The following ZSWIM5 variants were observed in gnomAD, a reference collection of about 807,000 sequenced individuals.
The protein encoded by ZSWIM5 is zinc finger SWIM-type containing 5, also known as zinc finger SWIM domain-containing protein 5.
ZSWIM5 carries 55 observed loss-of-function variants against 119.6 expected under a neutral mutation model. That is an observed-to-expected ratio of 0.46 (90% CI 0.37 to 0.58). The LOEUF (loss-of-function observed/expected upper bound fraction) is 0.58. Among genes scored for constraint, ZSWIM5 ranks in the 20% least tolerant of loss-of-function variants. ZSWIM5 has a pLI of 0.00. For synonymous variants in ZSWIM5, 537 were observed against 606.9 expected (o/e 0.88, Z 1.69); for missense variants, 1,193 against 1,512.8 (o/e 0.79, Z 3.51).
intron 1 of ZSWIM5, among the ~76,000 whole-genome samples, chr1:45,109,473 C>T (rs141480035): frequency 2.6e-5 from 4 of 152,224 alleles, no homozygotes; most frequent in Non-Finnish European, 4.4e-5. Context: ...TGGCTAGACG[C>T]GGTGGCTCAC....
intron 1 of ZSWIM5, among the ~76,000 whole-genome samples, chr1:45,150,729 G>A (rs769953200): frequency 6.6e-6 from 1 of 151,570 alleles, no homozygotes; most frequent in Non-Finnish European, 1.5e-5. Flanking sequence ...TTGTCTTGTC[G>A]ACCAGATAGT....
intron 1 of ZSWIM5, among the ~76,000 whole-genome samples, chr1:45,182,805 T>C (rs550733334): frequency 6.6e-6 from 1 of 152,138 alleles, no homozygotes; most frequent in Non-Finnish European, 1.5e-5. Flanking sequence ...TAAGGGAGAC[T>C]TTAACACCCC....
chr1:45,062,302 A>G (rs1477336354), intron 2 of ZSWIM5, among the ~76,000 whole-genome samples: 2 of 151,924 alleles, frequency 1.3e-5, no homozygotes, highest in Non-Finnish European at 2.9e-5. Flanking sequence ...CTATGTCAGA[A>G]CTCTGCTTAA....
At chr1:45,062,208 T>A (rs548680201) in intron 2 of ZSWIM5, among the ~76,000 whole-genome samples, 7 of 152,348 alleles carry the variant, frequency 4.6e-5, no homozygotes, top group Admixed American at 3.3e-4. Context: ...CAATAGTCCA[T>A]AAATCAATAC....
chr1:45,197,526 C>T (rs943401942), intron 1 of ZSWIM5, among the ~76,000 whole-genome samples: 2 of 152,136 alleles, frequency 1.3e-5, no homozygotes, highest in African/African-American at 4.8e-5. Context: ...GGATATACAA[C>T]AATTTCCTTA....
At chr1:45,037,749 C>T (rs1316997049) in intron 8 of ZSWIM5, among the ~76,000 whole-genome samples, 1 of 152,202 alleles carries the variant, frequency 6.6e-6, no homozygotes, top group Admixed American at 6.5e-5. Context: ...TATCTCTACC[C>T]AGAGAAATCT....
chr1:45,041,269 T>TA (rs1645016529), intron 6 of ZSWIM5, among the ~76,000 whole-genome samples: 1 of 152,256 alleles, frequency 6.6e-6, no homozygotes, highest in South Asian at 2.1e-4. Context: ...CTGGAAAAGG[T>TA]AGAGTCTGGA....
chr1:45,068,085 AT>A (rs1028647695), intron 2 of ZSWIM5, among the ~76,000 whole-genome samples: 2 of 133,200 alleles, frequency 1.5e-5, no homozygotes, highest in Admixed American at 1.6e-4. Context: ...TAAGGAAGCA[AT>A]TTTTCTTTTT....
At chr1:45,080,557 C>A (rs1308463632) in intron 2 of ZSWIM5, among the ~76,000 whole-genome samples, 1 of 152,124 alleles carries the variant, frequency 6.6e-6, no homozygotes, top group African/African-American at 2.4e-5. Flanking sequence ...TTCCTCAGTG[C>A]CTCTTTTAGC....
chr1:45,114,519 C>T (rs1418354432), intron 1 of ZSWIM5, among the ~76,000 whole-genome samples: 2 of 152,124 alleles, frequency 1.3e-5, no homozygotes, highest in African/African-American at 2.4e-5. Context: ...CGGGTAAATT[C>T]GCTATTTTAG....
intron 5 of ZSWIM5, among the ~76,000 whole-genome samples, chr1:45,049,605 G>C (rs1645078110): frequency 6.6e-6 from 1 of 152,106 alleles, no homozygotes; most frequent in Non-Finnish European, 1.5e-5. Context: ...GATCACTTGA[G>C]GAGTTTGACA....
chr1:45,073,833 A>G (rs1365894938), intron 2 of ZSWIM5, among the ~76,000 whole-genome samples: 1 of 151,800 alleles, frequency 6.6e-6, no homozygotes, highest in Non-Finnish European at 1.5e-5. Context: ...AAAGGTTTTC[A>G]GTTTTTCCCC....
chr1:45,177,890 G>T (rs574931853), intron 1 of ZSWIM5, among the ~76,000 whole-genome samples: 1 of 152,056 alleles, frequency 6.6e-6, no homozygotes, highest in Non-Finnish European at 1.5e-5. Context: ...TGGAAAGGAA[G>T]ATAAAAGTTT....
In ZSWIM5 at chr1:45,088,402, C is replaced by T. The variant is rs1645344469; in HGVS notation, c.596-165G>A. Among the ~76,000 whole-genome samples the T allele has an allele frequency of 6.6e-6, 1 of 152,200 alleles. No homozygotes were observed. Among genetic ancestry groups the T allele is most frequent in the Admixed American group, 6.5e-5 (1 of 15,286 alleles). On this transcript the variant is annotated intron_variant, in intron 1 of 13. Transcript: ENST00000359600. The surrounding 1 kb of genome is among the most constrained non-coding windows in gnomAD (Gnocchi z 4.2). ...CACAGAGGTCAATGAAATTCAGTTA[C>T]TGCTCTGAAGAAACACACAATATAG...
chr1:45,030,489 C>T (rs546724141), intron 11 of ZSWIM5, among the ~76,000 whole-genome samples: 58 of 151,898 alleles, frequency 3.8e-4, no homozygotes, highest in Non-Finnish European at 6.9e-4. Context: ...TTAGGTTATC[C>T]GCCCGCCTCA....
At chr1:45,095,131 CTT>C (rs11354372) in intron 1 of ZSWIM5, among the ~76,000 whole-genome samples, 22,221 of 146,688 alleles carry the variant, frequency 0.15, 2,050 homozygotes, top group African/African-American at 0.26. Context: ...CCATAATTAA[CTT>C]TTTTTTTTTT....
intron 11 of ZSWIM5, among the ~76,000 whole-genome samples, chr1:45,025,456 A>G (rs926771244): frequency 3.3e-5 from 5 of 152,164 alleles, no homozygotes; most frequent in African/African-American, 1.2e-4. Flanking sequence ...AACATGGACC[A>G]TTTCTATTTA....
At chr1:45,097,873 T>C (rs988130990) in intron 1 of ZSWIM5, among the ~76,000 whole-genome samples, 2 of 152,066 alleles carry the variant, frequency 1.3e-5, no homozygotes, top group African/African-American at 4.8e-5. Context: ...GGCTATTGAG[T>C]TCTAATTGTG....
In ZSWIM5 at chr1:45,205,873, C is replaced by A; in HGVS notation, c.478G>T (p.Ala160Ser). 2 of 1,193,564 alleles carry A rather than the reference C, an allele frequency of 1.7e-6. No individual in the cohort carries two copies. Among genetic ancestry groups the A allele is most frequent in the Admixed American group, 4.7e-5 (1 of 21,302 alleles). The allele number at this position is 1,193,564 out of a possible 1,614,324, so 73.9% of individuals were successfully genotyped here. A position where few individuals can be genotyped will look rare whatever the true frequency, so the allele number is the denominator to read the frequency against. ...GSAPGGVAAG[A>S]SPGLGAGAGA... The stretch of plus-strand genomic sequence containing the variant: ...GCCCCTGCGCCCAGCCCGGGGGATG[C>A]CCCAGCCGCGACGCCCCCGGGGGCG... The change falls in exon 1 of 14, where the codon GCA (alanine) becomes TCA (serine). Residue 160 changes from alanine to serine, a missense_variant. Physicochemically the swap from Ala to Ser is moderately conservative, Grantham distance 99. Coordinates refer to ENST00000359600, the MANE Select transcript of ZSWIM5 (RefSeq NM_020883.2).
Sources: gnomAD v4.1 joint callset for allele counts (sites outside exome capture counted in the v4.1 genomes callset) on GRCh38, gnomAD v4.1.1 for gene constraint, Gnocchi (gnomAD v3.1) non-coding constraint, MANE v1.5 for transcripts, NCBI Gene and HGNC (gene_info 2026-07-23, HGNC 2026-07-21) for gene names.